Variants in MYH13 observed in about 807,000 individuals in gnomAD.
MYH13 encodes myosin-13.
MYH13 carries 177 observed loss-of-function variants against 232.1 expected under a neutral mutation model. The observed-to-expected ratio is 0.76, with a 90% CI of 0.67 to 0.86. The LOEUF (loss-of-function observed/expected upper bound fraction) is 0.86. Among genes scored for constraint, MYH13 ranks in the 40% least tolerant of loss-of-function variants. MYH13 has a pLI of 0.00. For synonymous variants in MYH13, 884 were observed against 923.5 expected, an observed-to-expected ratio of 0.96 and a Z score of 0.78; for missense variants, 2,246 against 2,405.9, an observed-to-expected ratio of 0.93 and a Z score of 1.39.
chr17:10,334,096 C>G (rs180736859), intron 18 of MYH13, among the ~76,000 whole-genome samples: 6 of 152,254 alleles, frequency 3.9e-5, no homozygotes, highest in African/African-American at 1.4e-4. Context: ...GGTAACCAGC[C>G]TGGGTCAGGC....
In MYH13 at chr17:10,359,955, C is replaced by G. The variant is rs1362438068; in HGVS notation, c.645+5G>C. On this transcript the variant is annotated splice_donor_5th_base_variant and intron_variant, in intron 7 of 40. Coordinates refer to ENST00000252172, the MANE Select transcript of MYH13 (RefSeq NM_003802.3). ...AAGCCTCCGGATGCAGGTGGGGCTG[C>G]TCACCTGCATTTTGCCTGGCTGTGT... 6.2e-7 allele frequency: 1 copy of G among 1,610,860 alleles called. No homozygotes were observed. The highest frequency in any genetic ancestry group is 8.5e-7 in the Non-Finnish European group (1 of 1,178,020).
At chr17:10,350,969 C>T (rs2071705732) in intron 11 of MYH13, among the ~76,000 whole-genome samples, 2 of 151,832 alleles carry the variant, frequency 1.3e-5, no homozygotes, top group South Asian at 2.1e-4. Flanking sequence ...CGCCTGTAAT[C>T]CCAGCACTTT....
intron 30 of MYH13, 47 bp from the exon 31 acceptor site, chr17:10,312,804 T>A: frequency 6.4e-7 from 1 of 1,560,144 alleles, no homozygotes; most frequent in South Asian, 1.2e-5. Context: ...GGTGGAATAT[T>A]TCAGTAGGTA....
Position 10,303,303 on chromosome 17 carries a change from G to A in MYH13, c.5572-12C>T. ...TGGTCCTCCTCAGCCTGCAAACAGA[G>A]TACACGTGGCAGGGGCCCGCAAACC... On this transcript the variant is annotated splice_polypyrimidine_tract_variant and intron_variant, in intron 38 of 40. Transcript: ENST00000252172. The A allele has an allele frequency of 6.2e-7, 1 of 1,613,854 alleles. No individual in the cohort carries two copies. Among genetic ancestry groups the A allele is most frequent in the Non-Finnish European group, 8.5e-7 (1 of 1,179,776 alleles).
At chr17:10,303,359 A>G (rs748413974) in intron 38 of MYH13, 35 bp downstream of exon 38, 5 of 1,611,860 alleles carry the variant, frequency 3.1e-6, no homozygotes, top group Non-Finnish European at 4.2e-6. Flanking sequence ...CTTGGTCCAT[A>G]CAGCATTCAC....
chr17:10,311,872 A>AG, intron 32 of MYH13, 39 bp downstream of exon 32: 1 of 1,610,972 alleles, frequency 6.2e-7, no homozygotes, highest in Non-Finnish European at 8.5e-7. Flanking sequence ...GCAGGAGGAG[A>AG]GGGGGACATA....
At position 10,327,965 on chromosome 17, in the gene MYH13, C is replaced by G; in HGVS notation, c.2592G>C (p.Lys864Asn). The G allele has an allele frequency of 6.2e-7, 1 of 1,614,144 alleles. No individual in the cohort carries two copies. Among genetic ancestry groups the G allele is most frequent in the South Asian group, 1.1e-5 (1 of 91,060 alleles). ...GAGCCTCAGATCGGGCCAGTTCTTC[C>G]TTGGTCCTCTCAAAGTCTTCCTTCA... ...ATMKEDFERTKEELARSEARR... is the reference protein window; with the variant it reads ...ATMKEDFERTNEELARSEARR... The change falls in exon 22 of 41, where the codon AAG (lysine) becomes AAC (asparagine). Residue 864 changes from lysine to asparagine, a missense_variant. Transcript: ENST00000252172.
intron 18 of MYH13, among the ~76,000 whole-genome samples, chr17:10,336,776 A>T (rs931281238): frequency 6.6e-6 from 1 of 152,074 alleles, no homozygotes; most frequent in Non-Finnish European, 1.5e-5. Flanking sequence ...TGGCCTGTTC[A>T]TGCTACCTCG....
intron 5 of MYH13, among the ~76,000 whole-genome samples, chr17:10,360,583 T>C (rs2071784143): frequency 6.6e-6 from 1 of 152,204 alleles, no homozygotes; most frequent in South Asian, 2.1e-4. Context: ...TTTCATTGCA[T>C]TTTTCTTTTA....
intron 18 of MYH13, among the ~76,000 whole-genome samples, chr17:10,338,791 C>T (rs1431647315): frequency 6.6e-6 from 1 of 151,146 alleles, no homozygotes; most frequent in Non-Finnish European, 1.5e-5. Flanking sequence ...AGCTCCGTCT[C>T]CCGGGTTCAC....
Position 10,303,445 on chromosome 17 carries a change from G to C in MYH13, c.5520C>G (p.Ala1840=), listed in dbSNP as rs1363106893. ...GTTCGTACTTGTGGGCTCCCTTCAG[G>C]GCTTCAGCTCCCCTCTTCTGTTCCA... The part of the protein sequence containing the change: ...LDVEQKRGAE[A]LKGAHKYERK... Residue 1840 remains alanine, a synonymous_variant, in exon 38 of 41, where the codon GCC becomes GCG. Transcript: ENST00000252172. The C allele has an allele frequency of 1.9e-6, 3 of 1,613,744 alleles. No individual in the cohort carries two copies. Among genetic ancestry groups the C allele is most frequent in the Non-Finnish European group, 2.5e-6 (3 of 1,179,876 alleles).
chr17:10,324,756 G>GTTTTTTTTTTTTT lies in MYH13; in HGVS notation c.2692-505_2692-493dup, dbSNP rs56757162. ...GTCACTGCACCTGGTCCATATACAT[G>GTTTTTTTTTTTTT]TTTTTTTTTTTTTTTTTTTTTTTTA... On this transcript the variant is annotated intron_variant, in intron 22 of 40. Coordinates refer to ENST00000252172, the MANE Select transcript of MYH13 (RefSeq NM_003802.3). The GTTTTTTTTTTTTT allele has an allele frequency of 2.3e-3, 247 of 107,738 alleles. 9 individuals carry two copies. Among genetic ancestry groups the GTTTTTTTTTTTTT allele is most frequent in the African/African-American group, 9.6e-3 (235 of 24,382 alleles). The allele number at this position is 107,738 out of a possible 1,614,324, so 6.7% of individuals were successfully genotyped here.
chr17:10,319,732 A>G (rs1383389369), intron 26 of MYH13, among the ~76,000 whole-genome samples: 1 of 152,228 alleles, frequency 6.6e-6, no homozygotes, highest in African/African-American at 2.4e-5. Flanking sequence ...TCAGTGTGAT[A>G]TGCTAAGAAT....
chr17:10,340,116 G>T (rs765204141), intron 18 of MYH13, 34 bp downstream of exon 18: 6 of 1,582,116 alleles, frequency 3.8e-6, no homozygotes, highest in Non-Finnish European at 5.2e-6. Context: ...GTCCTGTTCT[G>T]TTCAAATACT....
chr17:10,308,167 T>C (rs1906355881), intron 35 of MYH13, among the ~76,000 whole-genome samples: 1 of 151,684 alleles, frequency 6.6e-6, no homozygotes, highest in South Asian at 2.1e-4. Context: ...TCTACAAAAA[T>C]ACAAAAATTA....
chr17:10,307,935 T>C (rs1906346818), intron 35 of MYH13, among the ~76,000 whole-genome samples: 1 of 152,102 alleles, frequency 6.6e-6, no homozygotes, highest in African/African-American at 2.4e-5. Flanking sequence ...GAGAACAATC[T>C]AAAATAACCA....
Position 10,309,433 on chromosome 17 carries a change from G to C in MYH13, c.4970C>G (p.Ser1657Cys). 1 of 1,601,946 alleles carries C rather than the reference G, an allele frequency of 6.2e-7. No individual in the cohort carries two copies. Among genetic ancestry groups the C allele is most frequent in the Non-Finnish European group, 8.5e-7 (1 of 1,173,774 alleles). ...LRTVQGQLKD[S>C]QLHLDDALRS... ...CAGGGCGTCATCGAGATGCAGCTGG[G>C]AGTCCTGCAGGGGAGACCCAGAGTG... The change falls in exon 35 of 41, where the codon TCC becomes TGC. Residue 1657 changes from serine to cysteine, a missense_variant. Coordinates refer to ENST00000252172, the MANE Select transcript of MYH13 (RefSeq NM_003802.3).
chr17:10,320,491 C>T lies in MYH13; in HGVS notation c.3117G>A (p.Glu1039=). The T allele has an allele frequency of 6.2e-7, 1 of 1,612,206 alleles. No homozygotes were observed. Among genetic ancestry groups the T allele is most frequent in the Non-Finnish European group, 8.5e-7 (1 of 1,179,268 alleles). ...GTTTCTTCTCCTGCTCTAAGGAACC[C>T]TCAAGCTGAGAAGACACACAGGTAG... is the stretch of plus-strand genomic sequence containing the variant. ...AKLEQQTDDL[E]GSLEQEKKLR... is the part of the protein sequence containing the mutation. Residue 1039 remains glutamate (E), a synonymous_variant, in exon 25 of 41, where the codon GAG becomes GAA. Transcript: ENST00000252172.
At chr17:10,347,398 T>C (rs1326996883) in intron 12 of MYH13, among the ~76,000 whole-genome samples, 1 of 152,144 alleles carries the variant, frequency 6.6e-6, no homozygotes, top group Non-Finnish European at 1.5e-5. Flanking sequence ...ATAGTTATGT[T>C]GGAGTCTGAC....
Sources: allele counts gnomAD v4.1 joint callset (sites outside exome capture counted in the v4.1 genomes callset), GRCh38; gene constraint gnomAD v4.1.1; transcripts MANE v1.5; gene names NCBI Gene and HGNC (gene_info 2026-07-23, HGNC 2026-07-21).